The following QTGAL variants were observed in gnomAD, a reference collection of about 807,000 sequenced individuals.
QTGAL encodes the protein BGnT-like protein 1.
the QTGAL span, among the ~76,000 whole-genome samples, chr17:83,029,830 A>G: frequency 6.6e-6 from 1 of 152,188 alleles, no homozygotes; most frequent in Non-Finnish European, 1.5e-5. Context: ...CAGCGCAAGC[A>G]CCACCTTTAA....
the QTGAL span, chr17:82,965,656 C>A: frequency 1.2e-6 from 2 of 1,607,890 alleles, no homozygotes; most frequent in Non-Finnish European, 8.5e-7. Context: ...CTTACCTGAC[C>A]TCCCTCGTTA....
the QTGAL span, chr17:83,007,256 G>A: frequency 1.0e-6 from 1 of 985,340 alleles, no homozygotes; most frequent in Non-Finnish European, 1.2e-6. Flanking sequence ...TTGTGAATTA[G>A]GACAGCTCTG....
chr17:82,970,087 C>T, the QTGAL span, among the ~76,000 whole-genome samples: 3 of 152,348 alleles, frequency 2.0e-5, no homozygotes, highest in South Asian at 2.1e-4. Context: ...ACCTACGTTT[C>T]GCACATCAAA....
At chr17:83,035,311 C>G in the QTGAL span, among the ~76,000 whole-genome samples, 3 of 152,004 alleles carry the variant, frequency 2.0e-5, no homozygotes, top group African/African-American at 7.3e-5. Flanking sequence ...TCCTGAGTAG[C>G]TGGGATTACA....
the QTGAL span, among the ~76,000 whole-genome samples, chr17:82,976,515 C>T: frequency 2.5e-4 from 16 of 63,108 alleles, 1 homozygote; most frequent in Non-Finnish European, 4.3e-4. Context: ...TATGGGGAAA[C>T]AGGGCCCCAG....
chr17:83,005,711 AG>A, the QTGAL span: 5 of 719,224 alleles, frequency 7.0e-6, no homozygotes, highest in Admixed American at 1.0e-4. The surrounding 1 kb of genome is among the most constrained non-coding windows in gnomAD (Gnocchi z 5.6). Context: ...GGCTTCCTCC[AG>A]GGCCGACAAC....
chr17:83,037,516 G>A, the QTGAL span, among the ~76,000 whole-genome samples: 12 of 152,360 alleles, frequency 7.9e-5, no homozygotes, highest in East Asian at 1.9e-4. The surrounding 1 kb of genome is among the most constrained non-coding windows in gnomAD (Gnocchi z 5.2). Flanking sequence ...AAATGCACCC[G>A]GGGAGGCGAG....
chr17:83,007,336 G>A, the QTGAL span: 1 of 948,336 alleles, frequency 1.1e-6, no homozygotes, highest in Non-Finnish European at 1.3e-6. Context: ...AAACTGTTTG[G>A]TGTGTCTGTT....
the QTGAL span, among the ~76,000 whole-genome samples, chr17:83,047,233 G>T: frequency 2.5e-4 from 38 of 152,330 alleles, no homozygotes; most frequent in Non-Finnish European, 3.7e-4. Flanking sequence ...AGCAGGAGGG[G>T]TGAGGGAGCT....
At chr17:82,954,342 C>T in the QTGAL span, among the ~76,000 whole-genome samples, 1 of 151,994 alleles carries the variant, frequency 6.6e-6, no homozygotes, top group Non-Finnish European at 1.5e-5. Context: ...CATTCCTATA[C>T]ACCAATAATA....
At chr17:83,035,652 C>T in the QTGAL span, among the ~76,000 whole-genome samples, 5 of 151,536 alleles carry the variant, frequency 3.3e-5, no homozygotes, top group African/African-American at 1.2e-4. Flanking sequence ...CTGACACTCA[C>T]TGAAGGAAAA....
the QTGAL span, chr17:83,006,042 C>G: frequency 2.0e-6 from 2 of 1,021,192 alleles, no homozygotes; most frequent in Non-Finnish European, 2.3e-6. This position sits in a 1 kb window ranked among gnomAD's most constrained non-coding sequence, Gnocchi z 5.8. Flanking sequence ...GAAACAGCAC[C>G]CACCCCAAGT....
At chr17:82,961,084 G>C in the QTGAL span, 3 of 1,610,316 alleles carry the variant, frequency 1.9e-6, no homozygotes, top group Non-Finnish European at 2.5e-6. Context: ...GGCCGCCTGT[G>C]GGTGGTGGCG....
chr17:82,980,864 G>A, the QTGAL span, among the ~76,000 whole-genome samples: 1 of 152,132 alleles, frequency 6.6e-6, no homozygotes, highest in Admixed American at 6.5e-5. Flanking sequence ...TCCCTCCCCG[G>A]AGGTTTGGGG....
chr17:82,995,289 A>G, the QTGAL span, among the ~76,000 whole-genome samples: 61 of 152,346 alleles, frequency 4.0e-4, no homozygotes, highest in African/African-American at 1.3e-3. Context: ...AAAAAAACCT[A>G]AAGACTCCAC....
the QTGAL span, among the ~76,000 whole-genome samples, chr17:83,029,462 G>A: frequency 6.6e-6 from 1 of 152,170 alleles, no homozygotes; most frequent in African/African-American, 2.4e-5. Context: ...TACCCAGGCG[G>A]AAGGAGGCAG....
At chr17:83,038,616 T>A in the QTGAL span, among the ~76,000 whole-genome samples, 1 of 152,170 alleles carries the variant, frequency 6.6e-6, no homozygotes, top group East Asian at 1.9e-4. Context: ...CCCAGCACTG[T>A]GGGAGGCCAA....
the QTGAL span, among the ~76,000 whole-genome samples, chr17:82,992,427 G>A: frequency 6.6e-6 from 1 of 152,140 alleles, no homozygotes; most frequent in Non-Finnish European, 1.5e-5. Flanking sequence ...GTAACGTGCT[G>A]AAGGAAAAAA....
At chr17:82,960,557 C>T in the QTGAL span, 909 of 154,594 alleles carry the variant, frequency 5.9e-3, 3 homozygotes, top group Non-Finnish European at 8.1e-3. Flanking sequence ...AACGCAGCCA[C>T]GCGGCACCCC....
Sources: allele counts gnomAD v4.1 joint callset (sites outside exome capture counted in the v4.1 genomes callset), GRCh38; gene constraint gnomAD v4.1.1; non-coding constraint Gnocchi (gnomAD v3.1); transcripts MANE v1.5; gene names NCBI Gene and HGNC (gene_info 2026-07-23, HGNC 2026-07-21).